The following C9 variants were observed in gnomAD, a reference collection of about 807,000 sequenced individuals.
C9 encodes complement component C9.
In C9, 63 loss-of-function variants were observed where a neutral mutation model predicts 65.4. The ratio of observed to expected loss-of-function variants is 0.96; its 90% CI spans 0.79 to 1.19. The LOEUF (loss-of-function observed/expected upper bound fraction) is 1.19. Among genes scored for constraint, C9 ranks in the 50% most tolerant of loss-of-function variants. The pLI is 0.00. For missense variants in C9, 744 were observed against 670.1 expected (o/e 1.11, Z -1.22); for synonymous variants, 229 against 227.9 (o/e 1.00, Z -0.04).
At chr5:39,333,806 GT>G (rs376034318) in intron 4 of C9, among the ~76,000 whole-genome samples, 16,059 of 152,096 alleles carry the variant, frequency 0.11, 1,050 homozygotes, top group African/African-American at 0.18. Flanking sequence ...TGGAGACGGG[GT>G]TTCGCTGTGT....
chr5:39,304,527 T>C (rs1753339854), intron 9 of C9, among the ~76,000 whole-genome samples: 2 of 152,170 alleles, frequency 1.3e-5, no homozygotes, highest in African/African-American at 4.8e-5. Flanking sequence ...TGGAATCTAA[T>C]TCAAGATCAA....
At chr5:39,313,638 C>T (rs955145333) in intron 6 of C9, among the ~76,000 whole-genome samples, 2 of 152,182 alleles carry the variant, frequency 1.3e-5, no homozygotes, top group East Asian at 3.8e-4. Flanking sequence ...CTCTAAGTAG[C>T]AAAGTTCTTG....
rs1754077460 is a variant in C9 at position 39,341,334 on chromosome 5, A to C, written c.329-41T>G. The C allele has an allele frequency of 2.5e-6, 4 of 1,609,632 alleles. No individual in the cohort carries two copies. In the African/African-American group the frequency reaches 5.3e-5, roughly 22 times the overall value. ...GGAGAGACTCAATGTATCTAATGTCAAATTTTCTCTTTCTTTCTGAAGTTA... is the reference window on the plus strand; with the variant it reads ...GGAGAGACTCAATGTATCTAATGTCCAATTTTCTCTTTCTTTCTGAAGTTA... On this transcript the variant is annotated intron_variant, in intron 3 of 10. Coordinates refer to ENST00000263408, the MANE Select transcript of C9 (RefSeq NM_001737.5).
chr5:39,338,618 A>T (rs182635322), intron 4 of C9, among the ~76,000 whole-genome samples: 2 of 152,342 alleles, frequency 1.3e-5, no homozygotes, highest in East Asian at 3.9e-4. Flanking sequence ...ACTCATGGTA[A>T]TGGGGAATTT....
At chr5:39,333,556 C>T (rs1753883302) in intron 4 of C9, among the ~76,000 whole-genome samples, 4 of 136,540 alleles carry the variant, frequency 2.9e-5, no homozygotes, top group Admixed American at 2.9e-4. Flanking sequence ...ACACTTATAT[C>T]TCCCTCTCCC....
Position 39,284,314 on chromosome 5 carries a change from C to G in C9, c.*885G>C, listed in dbSNP as rs910391843. The G allele has an allele frequency of 2.0e-5, 3 of 151,892 alleles. No individual in the cohort carries two copies. The highest frequency in any genetic ancestry group is 7.3e-5 in the African/African-American group (3 of 41,338). 9.4% of individuals were successfully genotyped at this position (151,892 alleles called of 1,614,324 possible). Reference sequence around the variant, plus strand: ...AGAGTTCTCAGACCTTTCAAAAGGTCTCAGACCCTAAGCACCATGTTCTCT... The same window carrying G: ...AGAGTTCTCAGACCTTTCAAAAGGTGTCAGACCCTAAGCACCATGTTCTCT... On this transcript the variant is annotated 3_prime_UTR_variant, in exon 11 of 11. Transcript: ENST00000263408.
chr5:39,345,083 A>G (rs1754164738), intron 1 of C9, among the ~76,000 whole-genome samples: 2 of 151,978 alleles, frequency 1.3e-5, no homozygotes, highest in Non-Finnish European at 1.5e-5. Context: ...AATTGTAAAG[A>G]TCATCAATGC....
intron 1 of C9, among the ~76,000 whole-genome samples, chr5:39,352,787 A>T (rs1279928905): frequency 6.6e-6 from 1 of 152,144 alleles, no homozygotes; most frequent in Non-Finnish European, 1.5e-5. Flanking sequence ...TCATTCAGTT[A>T]CGAGAAACCT....
Position 39,341,612 on chromosome 5 carries a change from G to T in C9, c.272C>A (p.Thr91Lys). The T allele has an allele frequency of 6.2e-7, 1 of 1,614,040 alleles. No homozygotes were observed. Among genetic ancestry groups the T allele is most frequent in the East Asian group, 2.2e-5 (1 of 44,882 alleles). The change falls in exon 3 of 11, where the codon ACA (threonine) becomes AAA (lysine). Residue 91 changes from threonine to lysine, a missense_variant. Coordinates refer to ENST00000263408, the MANE Select transcript of C9 (RefSeq NM_001737.5). The stretch of plus-strand genomic sequence containing the variant: ...ATCCTCAGCATCCTCACAGGGCTCT[G>T]TGGGCACACACTGTCGTCTGTCTCC... The part of the protein sequence containing the change: ...AVGDRRQCVP[T>K]EPCEDAEDDC...
chr5:39,311,042 T>C, intron 7 of C9, 95 bp downstream of exon 7: 7 of 1,374,888 alleles, frequency 5.1e-6, no homozygotes, highest in South Asian at 3.5e-5. Flanking sequence ...CAGGGCTTTG[T>C]ATTCTTAAGA....
chr5:39,313,831 T>C (rs1753528423), intron 6 of C9, among the ~76,000 whole-genome samples: 1 of 152,168 alleles, frequency 6.6e-6, no homozygotes, highest in South Asian at 2.1e-4. Context: ...CAACTCCTAC[T>C]TGGCATTGTC....
chr5:39,339,579 A>C (rs1303673558), intron 4 of C9, among the ~76,000 whole-genome samples: 1 of 150,848 alleles, frequency 6.6e-6, no homozygotes, highest in East Asian at 1.9e-4. Context: ...ACTACATGCC[A>C]ATAGCACTCC....
chr5:39,338,616 T>C (rs1754012623), intron 4 of C9, among the ~76,000 whole-genome samples: 1 of 152,218 alleles, frequency 6.6e-6, no homozygotes. Flanking sequence ...TTACTCATGG[T>C]AATGGGGAAT....
At chr5:39,361,276 G>C (rs1369446241) in intron 1 of C9, among the ~76,000 whole-genome samples, 2 of 152,186 alleles carry the variant, frequency 1.3e-5, no homozygotes, top group African/African-American at 4.8e-5. Context: ...ACAACCTGTA[G>C]AGGTAGGATG....
chr5:39,340,477 T>A (rs540971112), intron 4 of C9, among the ~76,000 whole-genome samples: 1 of 152,198 alleles, frequency 6.6e-6, no homozygotes, highest in South Asian at 2.1e-4. Flanking sequence ...CAGAACAGAA[T>A]AGAACCGAAT....
chr5:39,322,351 A>G (rs992639146), intron 5 of C9, among the ~76,000 whole-genome samples: 1 of 152,012 alleles, frequency 6.6e-6, no homozygotes, highest in Non-Finnish European at 1.5e-5. Context: ...TTCTAACAGA[A>G]AAGTTTACAG....
intron 9 of C9, among the ~76,000 whole-genome samples, chr5:39,291,261 G>GA (rs5867454): frequency 6.6e-6 from 1 of 151,100 alleles, no homozygotes; most frequent in Non-Finnish European, 1.5e-5. Flanking sequence ...AAATAGATTT[G>GA]AAAAAAAGAA....
At chr5:39,343,837 A>G (rs1485853269) in intron 1 of C9, among the ~76,000 whole-genome samples, 1 of 152,104 alleles carries the variant, frequency 6.6e-6, no homozygotes, top group Admixed American at 6.5e-5. Flanking sequence ...TTCCAGAGGA[A>G]CGATCAAGCA....
chr5:39,319,781 C>T (rs1304690200), intron 5 of C9, among the ~76,000 whole-genome samples: 1 of 152,118 alleles, frequency 6.6e-6, no homozygotes, highest in Non-Finnish European at 1.5e-5. Flanking sequence ...TCCTTACAGC[C>T]TCAAGATCCA....
Sources: gnomAD v4.1 joint callset for allele counts (sites outside exome capture counted in the v4.1 genomes callset) on GRCh38, gnomAD v4.1.1 for gene constraint, MANE v1.5 for transcripts, NCBI Gene and HGNC (gene_info 2026-07-23, HGNC 2026-07-21) for gene names.